MMS19: variants seen among roughly 807,000 people sequenced by gnomAD.
MMS19 encodes MMS19 cytosolic iron-sulfur assembly component.
A neutral mutation model predicts 129.8 loss-of-function variants in MMS19; 77 were observed. That is an observed-to-expected ratio of 0.59 (90% confidence interval 0.49 to 0.72). The LOEUF is 0.72. Ranked by LOEUF, MMS19 falls within the 30% of genes least tolerant of loss-of-function variation. MMS19 has a pLI of 0.00. For missense variants in MMS19, 1,168 were observed against 1,266.3 expected, an observed-to-expected ratio of 0.92 and a Z score of 1.18; for synonymous variants, 491 against 502.8, an observed-to-expected ratio of 0.98 and a Z score of 0.31.
rs550527169 is a variant in MMS19 at position 97,465,229 on chromosome 10, T to C, written c.1756+576A>G. On this transcript the variant is annotated intron_variant, in intron 18 of 30. Transcript: ENST00000438925. Reference sequence around the variant, plus strand: ...GTTGGTCAGGCTGGTCTCAAACTCCTGACCTTGTGATCCACCCGCCTCAGC... The same window carrying C: ...GTTGGTCAGGCTGGTCTCAAACTCCCGACCTTGTGATCCACCCGCCTCAGC... Among the ~76,000 whole-genome samples, 6 of 150,622 alleles carry C rather than the reference T, an allele frequency of 4.0e-5. No homozygotes were observed. In the South Asian group the frequency reaches 1.3e-3, roughly 32 times the overall value.
intron 13 of MMS19, among the ~76,000 whole-genome samples, chr10:97,468,023 C>T (rs1457323592): frequency 6.6e-6 from 1 of 151,746 alleles, no homozygotes; most frequent in Non-Finnish European, 1.5e-5. Context: ...ACTTTGTTGC[C>T]CAGGCTGATC....
intron 3 of MMS19, among the ~76,000 whole-genome samples, chr10:97,478,619 C>T (rs1398339331): frequency 6.6e-6 from 1 of 152,174 alleles, no homozygotes; most frequent in African/African-American, 2.4e-5. Flanking sequence ...CACAGTAAAA[C>T]CCATTCTCAG....
chr10:97,466,676 A>C (rs2033562748), intron 15 of MMS19, 91 bp from the exon 16 acceptor site: 5 of 1,588,740 alleles, frequency 3.1e-6, no homozygotes, highest in Non-Finnish European at 4.3e-6. Context: ...CAAATCATCC[A>C]GAGTTGCAGT....
chr10:97,474,058 C>CACCAGAGT (rs1041461235), intron 8 of MMS19, among the ~76,000 whole-genome samples: 1 of 149,292 alleles, frequency 6.7e-6, no homozygotes, highest in Non-Finnish European at 1.5e-5. Flanking sequence ...GTGGGAGGAT[C>CACCAGAGT]ACCAGAGTAC....
Position 97,459,248 on chromosome 10 carries a change from G to A in MMS19, c.2939C>T (p.Ala980Val). 2 of 1,612,924 alleles carry A rather than the reference G, an allele frequency of 1.2e-6. No individual in the cohort carries two copies. The highest frequency in any genetic ancestry group is 1.1e-5 in the South Asian group (1 of 90,962). The change falls in exon 29 of 31, where the codon GCT (alanine) becomes GTT (valine). Residue 980 changes from alanine (A) to valine (V), a missense_variant. This residue lies in a region of MMS19 where 831 missense variants were observed against 910.8 expected (regional missense o/e 0.91). Transcript: ENST00000438925. The stretch of plus-strand genomic sequence containing the variant: ...CACAGGGGTGGGCAGGCGAGTGAGA[G>A]CATGCATGCACTGCAGTGCGGCGAT... ...VRIAALQCMHALTRLPTPVLL... is the reference protein window; with the variant it reads ...VRIAALQCMHVLTRLPTPVLL...
At chr10:97,489,837 G>T (rs1480283236) in intron 1 of MMS19, among the ~76,000 whole-genome samples, 1 of 152,160 alleles carries the variant, frequency 6.6e-6, no homozygotes, top group South Asian at 2.1e-4. Context: ...TTTTAAAAAA[G>T]AATATCACAG....
intron 1 of MMS19, among the ~76,000 whole-genome samples, chr10:97,496,543 CAGTCCTTATTCAAGATA>C (rs985140700): frequency 7.3e-5 from 11 of 150,050 alleles, no homozygotes; most frequent in South Asian, 2.1e-4. Flanking sequence ...GAAGAATTTG[CAGTCCTTATTCAAGATA>C]AGTCCTTATT....
At chr10:97,484,046 C>G in intron 2 of MMS19, 57 bp downstream of exon 2, 2 of 1,221,472 alleles carry the variant, frequency 1.6e-6, no homozygotes, top group Non-Finnish European at 2.3e-6. Flanking sequence ...GCAAAAGTAA[C>G]TTTTCAGAAT....
intron 18 of MMS19, among the ~76,000 whole-genome samples, chr10:97,464,871 G>C (rs537623511): frequency 1.3e-5 from 2 of 151,762 alleles, no homozygotes; most frequent in African/African-American, 4.8e-5. Context: ...GCTAATTTTT[G>C]TATTTTTTGT....
intron 25 of MMS19, 122 bp downstream of exon 25, chr10:97,460,573 A>C (rs1433803781): frequency 2.2e-6 from 2 of 890,132 alleles, no homozygotes; most frequent in South Asian, 1.5e-5. Flanking sequence ...CCCTGTCTCC[A>C]AAAAGAAAAA....
intron 28 of MMS19, 37 bp downstream of exon 28, chr10:97,459,325 G>A (rs1421197155): frequency 1.9e-6 from 3 of 1,611,928 alleles, no homozygotes; most frequent in Admixed American, 1.7e-5. Context: ...CCCAGGGAGA[G>A]ATGCTGGTGC....
rs1320108512 is a variant in MMS19, at chr10:97,459,444, A to G, written c.2822T>C (p.Leu941Pro). The part of the protein sequence containing the change: ...LSTLSCLQPL[L>P]LEAPQVMSLH... ...ACTCATGACTTGGGGTGCTTCCAGT[A>G]GAAGAGGCTGAAGGCAGCTGAGGGT... Residue 941 changes from leucine to proline, a missense_variant, in exon 28 of 31, where the codon CTA (leucine) becomes CCA (proline). Transcript: ENST00000438925. The G allele has an allele frequency of 1.2e-6, 2 of 1,611,446 alleles. No homozygotes were observed. Among genetic ancestry groups the G allele is most frequent in the East Asian group, 4.5e-5 (2 of 44,800 alleles).
chr10:97,490,653 A>C (rs919152131), intron 1 of MMS19, among the ~76,000 whole-genome samples: 1 of 152,226 alleles, frequency 6.6e-6, no homozygotes, highest in African/African-American at 2.4e-5. Context: ...GTCTGAAGAA[A>C]TCCTAAACTT....
At chr10:97,494,727 G>A (rs1364405962) in intron 1 of MMS19, among the ~76,000 whole-genome samples, 3 of 152,144 alleles carry the variant, frequency 2.0e-5, no homozygotes, top group South Asian at 2.1e-4. Flanking sequence ...ATCAGCTCTC[G>A]TCCTAATTTT....
intron 18 of MMS19, among the ~76,000 whole-genome samples, chr10:97,465,037 T>G (rs184505070): frequency 2.0e-5 from 3 of 151,398 alleles, no homozygotes; most frequent in Non-Finnish European, 4.4e-5. Context: ...GAGATGGAGT[T>G]TCACCCTGTT....
chr10:97,472,121 A>G (rs905416689), intron 8 of MMS19, among the ~76,000 whole-genome samples: 2 of 152,234 alleles, frequency 1.3e-5, no homozygotes, highest in African/African-American at 2.4e-5. Flanking sequence ...TGAAGTTTCA[A>G]TGTATCGGGG....
chr10:97,463,163 G>GTT (rs11369236), intron 19 of MMS19, among the ~76,000 whole-genome samples: 1,391 of 129,172 alleles, frequency 0.011, 32 homozygotes, highest in Non-Finnish European at 0.013. Context: ...CTGTGAAACA[G>GTT]TTTTTTTTTT....
At chr10:97,497,937 C>G (rs2040107008) in intron 1 of MMS19, among the ~76,000 whole-genome samples, 1 of 152,218 alleles carries the variant, frequency 6.6e-6, no homozygotes, top group South Asian at 2.1e-4. Context: ...CGGTTCGGAC[C>G]TGAACGCCTG....
intron 8 of MMS19, among the ~76,000 whole-genome samples, chr10:97,474,466 C>T (rs977260805): frequency 6.6e-5 from 10 of 151,936 alleles, no homozygotes; most frequent in Admixed American, 5.9e-4. Flanking sequence ...AACAATCACT[C>T]GAACCCCGGA....
Sources: allele counts gnomAD v4.1 joint callset (sites outside exome capture counted in the v4.1 genomes callset), GRCh38; gene constraint gnomAD v4.1.1; regional missense constraint gnomAD v4.1.1; transcripts MANE v1.5; gene names NCBI Gene and HGNC (gene_info 2026-07-23, HGNC 2026-07-21).